Variants in BANK1 observed in about 807,000 individuals in gnomAD.
The protein encoded by BANK1 is B cell scaffold protein with ankyrin repeats 1, also known as B-cell scaffold protein with ankyrin repeats.
A neutral mutation model predicts 94.5 loss-of-function variants in BANK1; 95 were observed. The observed-to-expected ratio is 1.00, with a 90% CI of 0.85 to 1.19. The LOEUF (loss-of-function observed/expected upper bound fraction) is 1.19. Among genes scored for constraint, BANK1 ranks in the 50% most tolerant of loss-of-function variants. The pLI, the probability that BANK1 is intolerant of heterozygous loss-of-function variation, is 0.00. For missense variants in BANK1, 987 were observed against 932.2 expected (o/e 1.06, Z -0.77); for synonymous variants, 334 against 308.4 (o/e 1.08, Z -0.87).
chr4:102,052,338 G>A (rs1334280766), intron 11 of BANK1, among the ~76,000 whole-genome samples: 1 of 151,582 alleles, frequency 6.6e-6, no homozygotes, highest in East Asian at 1.9e-4. Flanking sequence ...GGATGGTCTG[G>A]ATCTCTTGAC....
chr4:101,946,862 A>G (rs1170313922), intron 7 of BANK1, among the ~76,000 whole-genome samples: 2 of 152,052 alleles, frequency 1.3e-5, no homozygotes, highest in Non-Finnish European at 1.5e-5. Flanking sequence ...ATGAATACTT[A>G]GGAGAGAAGA....
chr4:102,020,455 G>C (rs1408226507), intron 7 of BANK1, among the ~76,000 whole-genome samples: 1 of 151,866 alleles, frequency 6.6e-6, no homozygotes, highest in Non-Finnish European at 1.5e-5. Flanking sequence ...AAAAAATACT[G>C]AAAATATTTC....
At chr4:101,868,380 A>G (rs1466182338) in intron 4 of BANK1, among the ~76,000 whole-genome samples, 1 of 152,054 alleles carries the variant, frequency 6.6e-6, no homozygotes, top group Non-Finnish European at 1.5e-5. Context: ...AATGAACAGA[A>G]GCATTATATA....
At chr4:101,860,861 T>G (rs1727848389) in intron 3 of BANK1, among the ~76,000 whole-genome samples, 1 of 152,180 alleles carries the variant, frequency 6.6e-6, no homozygotes, top group South Asian at 2.1e-4. Flanking sequence ...CAAGGAATGA[T>G]GCACACACAG....
intron 5 of BANK1, 128 bp downstream of exon 5, chr4:101,870,772 G>A: frequency 9.0e-7 from 1 of 1,109,304 alleles, no homozygotes; most frequent in Non-Finnish European, 1.2e-6. Flanking sequence ...CAATCAATAG[G>A]AAGGGAAGAG....
intron 6 of BANK1, among the ~76,000 whole-genome samples, chr4:101,909,703 G>T (rs747035930): frequency 6.6e-6 from 1 of 152,050 alleles, no homozygotes; most frequent in Non-Finnish European, 1.5e-5. Flanking sequence ...GCCAGTTTTG[G>T]GGCCAGTTTA....
At chr4:102,018,911 G>A (rs1034953079) in intron 7 of BANK1, among the ~76,000 whole-genome samples, 5 of 149,530 alleles carry the variant, frequency 3.3e-5, no homozygotes, top group African/African-American at 7.4e-5. Context: ...CTCTGCCTCC[G>A]GGCTCAAGCA....
At chr4:101,882,919 G>A (rs1728730932) in intron 5 of BANK1, among the ~76,000 whole-genome samples, 1 of 152,178 alleles carries the variant, frequency 6.6e-6, no homozygotes, top group South Asian at 2.1e-4. Context: ...CAAGTTCTGT[G>A]TATCTTCCAT....
At chr4:101,892,107 G>T (rs192971707) in intron 5 of BANK1, among the ~76,000 whole-genome samples, 3 of 151,236 alleles carry the variant, frequency 2.0e-5, no homozygotes, top group Non-Finnish European at 4.4e-5. Context: ...TTTGTATTTA[G>T]GGAGAGGAAA....
rs541404334 is a variant in BANK1, at chr4:101,998,429, A to G, written c.1207-23085A>G. On this transcript the variant is annotated intron_variant, in intron 7 of 16. Coordinates refer to ENST00000322953, the MANE Select transcript of BANK1 (RefSeq NM_017935.5). ...GTGGAGAGTTCTGTAGATGTCTATT[A>G]GGTCCGTTTGGTCCAGAGCCCTCAA... 3.3e-5 allele frequency among the ~76,000 whole-genome samples: 5 copies of G among 152,302 alleles called. No individual in the cohort carries two copies. In the South Asian group the frequency reaches 1.0e-3, roughly 32 times the overall value.
chr4:101,929,294 C>T (rs1723267297), intron 7 of BANK1, among the ~76,000 whole-genome samples: 1 of 151,616 alleles, frequency 6.6e-6, no homozygotes, highest in Non-Finnish European at 1.5e-5. Flanking sequence ...CTAAAATCTA[C>T]TTCATGAAAC....
chr4:101,815,989 T>C (rs946280027), intron 1 of BANK1, among the ~76,000 whole-genome samples: 1 of 152,168 alleles, frequency 6.6e-6, no homozygotes, highest in African/African-American at 2.4e-5. Flanking sequence ...TATGTAATTA[T>C]ATGTTTTTTC....
chr4:102,017,915 C>G (rs1440928557), intron 7 of BANK1, among the ~76,000 whole-genome samples: 3 of 151,902 alleles, frequency 2.0e-5, no homozygotes, highest in Non-Finnish European at 4.4e-5. Context: ...CTTTTCATTC[C>G]TCTCTCAACT....
chr4:101,956,847 C>T (rs1038014798), intron 7 of BANK1, among the ~76,000 whole-genome samples: 10 of 152,120 alleles, frequency 6.6e-5, no homozygotes, highest in African/African-American at 1.7e-4. Context: ...GCTCAGGGTC[C>T]TCATAGTACA....
At chr4:101,801,308 G>T (rs1055406029) in intron 1 of BANK1, among the ~76,000 whole-genome samples, 1 of 152,106 alleles carries the variant, frequency 6.6e-6, no homozygotes, top group Non-Finnish European at 1.5e-5. Flanking sequence ...AATAAAATTA[G>T]TATTATTGTA....
chr4:101,802,186 C>T lies in BANK1; in HGVS notation c.70+11236C>T, dbSNP rs186128415. Among the ~76,000 whole-genome samples, 69 of 152,314 alleles carry T rather than the reference C, an allele frequency of 4.5e-4. 1 individual carries two copies. Among genetic ancestry groups the T allele is most frequent in the African/African-American group, 1.5e-3 (63 of 41,570 alleles). On this transcript the variant is annotated intron_variant, in intron 1 of 16. Coordinates refer to ENST00000322953, the MANE Select transcript of BANK1 (RefSeq NM_017935.5). The stretch of plus-strand genomic sequence containing the variant: ...ACTTTCAGTATCATTTAAAGGACCA[C>T]GCCCTTCCCAGTACTTCCCTTCTGT...
At chr4:101,870,472 C>T (rs1272481585) in intron 4 of BANK1, 33 bp from the exon 5 acceptor site, 3 of 1,591,496 alleles carry the variant, frequency 1.9e-6, no homozygotes, top group Non-Finnish European at 2.6e-6. Flanking sequence ...GCATTATATA[C>T]TCTGCCCCTA....
chr4:101,793,245 A>G (rs17031628), intron 1 of BANK1, among the ~76,000 whole-genome samples: 4,807 of 152,282 alleles, frequency 0.032, 250 homozygotes, highest in African/African-American at 0.11. Flanking sequence ...CTCTAGCTTG[A>G]AGTTCTTAAA....
At chr4:101,974,285 G>A (rs1349711389) in intron 7 of BANK1, among the ~76,000 whole-genome samples, 4 of 152,130 alleles carry the variant, frequency 2.6e-5, no homozygotes, top group East Asian at 3.9e-4. Flanking sequence ...GCTATTAGCC[G>A]CTTTCACTCC....
Sources: allele counts gnomAD v4.1 joint callset (sites outside exome capture counted in the v4.1 genomes callset), GRCh38; gene constraint gnomAD v4.1.1; transcripts MANE v1.5; gene names NCBI Gene and HGNC (gene_info 2026-07-23, HGNC 2026-07-21).